The following CLEC5A variants were observed in gnomAD, a reference collection of about 807,000 sequenced individuals.
The protein encoded by CLEC5A is C-type lectin domain family 5 member A.
CLEC5A carries 15 observed loss-of-function variants against 24.4 expected under a neutral mutation model. The observed-to-expected ratio is 0.62, with a 90% CI of 0.41 to 0.95. The LOEUF (loss-of-function observed/expected upper bound fraction) is 0.95. Among genes scored for constraint, CLEC5A ranks in the 40% least tolerant of loss-of-function variants. The pLI, the probability that CLEC5A is intolerant of heterozygous loss-of-function variation, is 0.00. For missense variants in CLEC5A, 211 were observed against 224.0 expected (o/e 0.94, Z 0.37); for synonymous variants, 71 against 72.6 (o/e 0.98, Z 0.11).
At chr7:141,936,331 A>G in intron 4 of CLEC5A, 3 of 273,762 alleles carry the variant, frequency 1.1e-5, no homozygotes, top group Non-Finnish European at 1.4e-5. Context: ...AATTGCTGAC[A>G]CCACCCCCAC....
In CLEC5A at chr7:141,946,380, C is replaced by T. The variant is rs1311253235; in HGVS notation, c.-20-68G>A. The T allele has an allele frequency of 1.7e-5, 23 of 1,393,478 alleles. No individual in the cohort carries two copies. In the South Asian group the frequency reaches 1.9e-4, roughly 12 times the overall value. 86.3% of individuals were successfully genotyped at this position (1,393,478 alleles called of 1,614,324 possible). A position where few individuals can be genotyped will look rare whatever the true frequency, so the allele number is the denominator to read the frequency against. The stretch of plus-strand genomic sequence containing the variant: ...GGCTGCTTTTCACTAGGACATATCC[C>T]AGCCTCTCGCTCAGAGTACCCAAAG... On this transcript the variant is annotated intron_variant, in intron 1 of 6. Coordinates refer to ENST00000546910, the MANE Select transcript of CLEC5A (RefSeq NM_013252.3).
At position 141,946,313 on chromosome 7, in the gene CLEC5A, C is replaced by T. The variant is rs1802955902; in HGVS notation, c.-20-1G>A. The T allele has an allele frequency of 1.3e-6, 2 of 1,557,338 alleles. No individual in the cohort carries two copies. The highest frequency in any genetic ancestry group is 2.0e-5 in the Admixed American group (1 of 51,270). On this transcript the variant is annotated splice_acceptor_variant, in intron 1 of 6. Transcript: ENST00000546910. LOFTEE classifies it low-confidence loss of function (5UTR_SPLICE). Reference sequence around the variant, plus strand: ...TTCATGATGAAGGAGCTGCAGGGGCCTGTGAAGATTAGAGCACAGCAGCAT... The same window carrying T: ...TTCATGATGAAGGAGCTGCAGGGGCTTGTGAAGATTAGAGCACAGCAGCAT...
chr7:141,930,161 A>C lies in CLEC5A; in HGVS notation c.510T>G (p.Phe170Leu). The C allele has an allele frequency of 1.2e-6, 2 of 1,614,208 alleles. No individual in the cohort carries two copies. Among genetic ancestry groups the C allele is most frequent in the Non-Finnish European group, 1.7e-6 (2 of 1,180,038 alleles). Residue 170 changes from phenylalanine (F) to leucine (L), a missense_variant, in exon 7 of 7, where the codon TTT (phenylalanine) becomes TTG (leucine). Physicochemically the swap from Phe to Leu is conservative, Grantham distance 22 (BLOSUM62 0). Transcript: ENST00000546910. ...AGCTGATGTCACATGATGCAGCATCAAATGTCTTTGTTAGGCCAATGGTCG... is the reference window on the plus strand; with the variant it reads ...AGCTGATGTCACATGATGCAGCATCCAATGTCTTTGTTAGGCCAATGGTCG... ...NCATIGLTKT[F>L]DAASCDISYR...
chr7:141,937,512 C>G (rs1001264042), intron 4 of CLEC5A, among the ~76,000 whole-genome samples: 1 of 152,110 alleles, frequency 6.6e-6, no homozygotes. Flanking sequence ...CACAGGAGGA[C>G]AGAACACCAG....
intron 4 of CLEC5A, among the ~76,000 whole-genome samples, chr7:141,940,170 T>C (rs561940289): frequency 6.6e-5 from 10 of 152,240 alleles, no homozygotes; most frequent in Admixed American, 3.3e-4. Flanking sequence ...TTCTCAAGGA[T>C]AGACCATATT....
At chr7:141,939,585 TTAA>T (rs1288621392) in intron 4 of CLEC5A, among the ~76,000 whole-genome samples, 1 of 152,104 alleles carries the variant, frequency 6.6e-6, no homozygotes, top group African/African-American at 2.4e-5. Context: ...TGCTTACTTA[TTAA>T]TAATAATATT....
Position 141,929,907 on chromosome 7 carries a change from G to T in CLEC5A, c.*197C>A, listed in dbSNP as rs1802400755. The T allele has an allele frequency of 1.8e-6, 1 of 558,592 alleles. No individual in the cohort carries two copies. The highest frequency in any genetic ancestry group is 3.2e-6 in the Non-Finnish European group (1 of 312,172). 34.6% of individuals were successfully genotyped at this position (558,592 alleles called of 1,614,324 possible). A position where few individuals can be genotyped will look rare whatever the true frequency, so the allele number is the denominator to read the frequency against. ...ACCTCATCTCTATACTAACTGAGTT[G>T]TTTCCGTAAAACTGATCCTGTCTCC... is the stretch of plus-strand genomic sequence containing the variant. On this transcript the variant is annotated 3_prime_UTR_variant, in exon 7 of 7. Coordinates refer to ENST00000546910, the MANE Select transcript of CLEC5A (RefSeq NM_013252.3).
chr7:141,940,339 C>T (rs551470701), intron 4 of CLEC5A, among the ~76,000 whole-genome samples: 48 of 151,940 alleles, frequency 3.2e-4, no homozygotes, highest in African/African-American at 1.2e-3. Context: ...GATGACCAAT[C>T]AGTCAATAAA....
Position 141,930,017 on chromosome 7 carries a change from A to G in CLEC5A, c.*87T>C, listed in dbSNP as rs1307633807. 3 of 1,013,136 alleles carry G rather than the reference A, an allele frequency of 3.0e-6. No homozygotes were observed. The African/African-American group carries it at 4.8e-5, about 16-fold the overall frequency. The allele number at this position is 1,013,136 out of a possible 1,614,324, so 62.8% of individuals were successfully genotyped here. On this transcript the variant is annotated 3_prime_UTR_variant, in exon 7 of 7. Coordinates refer to ENST00000546910, the MANE Select transcript of CLEC5A (RefSeq NM_013252.3). ...GGCAAGGACCGCTACTGGTAGACAGATAGGTAAGTAAAAGAATCATTGGCC... is the reference window on the plus strand; with the variant it reads ...GGCAAGGACCGCTACTGGTAGACAGGTAGGTAAGTAAAAGAATCATTGGCC...
intron 2 of CLEC5A, chr7:141,945,976 G>A (rs1249756358): frequency 4.1e-6 from 2 of 492,404 alleles, no homozygotes; most frequent in Non-Finnish European, 3.6e-6. Context: ...GCTTTGCGTG[G>A]CGTTCTAACC....
At chr7:141,940,988 T>G (rs1176981061) in intron 4 of CLEC5A, among the ~76,000 whole-genome samples, 2 of 152,062 alleles carry the variant, frequency 1.3e-5, no homozygotes, top group South Asian at 2.1e-4. Flanking sequence ...ACTGCTGAAT[T>G]CTGCCAAGTA....
At chr7:141,945,436 T>C in intron 2 of CLEC5A, 36 bp from the exon 3 acceptor site, 1 of 1,422,262 alleles carries the variant, frequency 7.0e-7, no homozygotes, top group South Asian at 1.1e-5. Flanking sequence ...CAGCCCCAAA[T>C]GTGACTGCAT....
intron 2 of CLEC5A, 103 bp from the exon 3 acceptor site, chr7:141,945,503 G>T: frequency 1.2e-6 from 1 of 812,314 alleles, no homozygotes; most frequent in Non-Finnish European, 2.2e-6. Context: ...GTGACTATTA[G>T]TGGGAAATAC....
intron 2 of CLEC5A, 32 bp downstream of exon 2, chr7:141,946,182 A>T: frequency 6.5e-7 from 1 of 1,548,924 alleles, no homozygotes; most frequent in Non-Finnish European, 8.7e-7. Flanking sequence ...GACAACATGA[A>T]GTCTGGGGCA....
At chr7:141,946,102 C>T (rs991189499) in intron 2 of CLEC5A, 112 bp downstream of exon 2, 25 of 1,193,886 alleles carry the variant, frequency 2.1e-5, no homozygotes, top group Middle Eastern at 3.9e-4. Context: ...CAGTTAGTCT[C>T]AGGTGGAAAG....
At position 141,945,411 on chromosome 7, in the gene CLEC5A, A is replaced by T; in HGVS notation, c.80-11T>A. On this transcript the variant is annotated splice_polypyrimidine_tract_variant and intron_variant, in intron 2 of 6. Coordinates refer to ENST00000546910, the MANE Select transcript of CLEC5A (RefSeq NM_013252.3). ...TAAAAATCTGTGGGACTGAAAAGAA[A>T]ATCAGCTGTTGGCTCAGCCCCAAAT... 1.9e-6 allele frequency: 3 copies of T among 1,608,180 alleles called. No individual in the cohort carries two copies. Among genetic ancestry groups the T allele is most frequent in the Non-Finnish European group, 2.6e-6 (3 of 1,174,784 alleles).
chr7:141,933,365 C>A (rs1421300004), intron 5 of CLEC5A, among the ~76,000 whole-genome samples: 1 of 151,768 alleles, frequency 6.6e-6, no homozygotes, highest in Non-Finnish European at 1.5e-5. Context: ...GGTGGGGAAG[C>A]AGCCTGGAGC....
At chr7:141,942,573 T>G (rs978617067) in intron 4 of CLEC5A, among the ~76,000 whole-genome samples, 1 of 151,860 alleles carries the variant, frequency 6.6e-6, no homozygotes, top group East Asian at 1.9e-4. Context: ...AATAGATAAA[T>G]GAGATCATAT....
intron 5 of CLEC5A, among the ~76,000 whole-genome samples, chr7:141,933,610 A>G (rs1802529025): frequency 8.8e-6 from 1 of 113,910 alleles, no homozygotes; most frequent in African/African-American, 3.2e-5. Context: ...ATATATATAT[A>G]TATATACTTG....
Sources: gnomAD v4.1 joint callset for allele counts (sites outside exome capture counted in the v4.1 genomes callset) on GRCh38, gnomAD v4.1.1 for gene constraint, MANE v1.5 for transcripts, NCBI Gene and HGNC (gene_info 2026-07-23, HGNC 2026-07-21) for gene names.